COG6: variants seen among roughly 807,000 people sequenced by gnomAD.
COG6 encodes component of oligomeric golgi complex 6.
COG6 carries 74 observed loss-of-function variants against 88.8 expected under a neutral mutation model. The observed-to-expected ratio is 0.83, with a 90% CI of 0.69 to 1.01. The LOEUF (loss-of-function observed/expected upper bound fraction) is 1.01. Among genes scored for constraint, COG6 ranks in the 50% least tolerant of loss-of-function variants. The pLI is 0.00. For synonymous variants in COG6, 286 were observed against 278.7 expected (o/e 1.03, Z -0.26); for missense variants, 800 against 797.9 (o/e 1.00, Z -0.03).
intron 18 of COG6, among the ~76,000 whole-genome samples, chr13:39,780,479 C>A (rs1386040845): frequency 6.6e-6 from 1 of 152,052 alleles, no homozygotes; most frequent in Non-Finnish European, 1.5e-5. Context: ...TTTATTAATA[C>A]AAGAAGTAAA....
intron 18 of COG6, among the ~76,000 whole-genome samples, chr13:39,782,733 C>CT (rs1881667306): frequency 6.6e-6 from 1 of 152,192 alleles, no homozygotes; most frequent in African/African-American, 2.4e-5. Flanking sequence ...ACAACAGGGG[C>CT]TAGCAATGGC....
intron 18 of COG6, among the ~76,000 whole-genome samples, chr13:39,747,053 G>C (rs375789452): frequency 6.6e-6 from 1 of 152,058 alleles, no homozygotes; most frequent in South Asian, 2.1e-4. Flanking sequence ...TTCAATATTT[G>C]GTTTATAGTG....
chr13:39,768,747 T>C (rs1881237119), intron 18 of COG6, among the ~76,000 whole-genome samples: 1 of 151,784 alleles, frequency 6.6e-6, no homozygotes, highest in Non-Finnish European at 1.5e-5. Flanking sequence ...CTATTATATA[T>C]CATAATATAT....
intron 13 of COG6, among the ~76,000 whole-genome samples, chr13:39,718,767 C>CT (rs1372975023): frequency 6.6e-6 from 1 of 152,032 alleles, no homozygotes; most frequent in Non-Finnish European, 1.5e-5. Context: ...TCCTGGGGTG[C>CT]TTGTTGAACT....
intron 18 of COG6, among the ~76,000 whole-genome samples, chr13:39,767,968 C>G (rs1187677885): frequency 1.3e-5 from 2 of 152,194 alleles, no homozygotes; most frequent in Non-Finnish European, 2.9e-5. Flanking sequence ...TCTGAGCTGT[C>G]ATTGCACAAG....
At chr13:39,779,253 G>GT (rs34270626) in intron 18 of COG6, among the ~76,000 whole-genome samples, 95,095 of 152,006 alleles carry the variant, frequency 0.63, 30,421 homozygotes, top group East Asian at 0.77. Context: ...CTTTCAGTAA[G>GT]ATTAGCAATG....
At chr13:39,667,311 T>C (rs1431665658) in intron 4 of COG6, among the ~76,000 whole-genome samples, 1 of 152,200 alleles carries the variant, frequency 6.6e-6, no homozygotes, top group Non-Finnish European at 1.5e-5. Context: ...CCCTTTTTGT[T>C]TACTAACTAC....
At chr13:39,734,757 T>A (rs1257795787) in intron 18 of COG6, among the ~76,000 whole-genome samples, 1 of 152,222 alleles carries the variant, frequency 6.6e-6, no homozygotes, top group African/African-American at 2.4e-5. Flanking sequence ...CTAATAATGC[T>A]TGCTTTGTAT....
Position 39,687,729 on chromosome 13 carries a change from T to C in COG6, c.939T>C (p.Ala313=), listed in dbSNP as rs550755756. 2.0e-5 allele frequency: 32 copies of C among 1,614,120 alleles called. No homozygotes were observed. The East Asian group carries it at 6.7e-4, about 34-fold the overall frequency. The change falls in exon 10 of 19, where the codon GCT becomes GCC. Residue 313 remains alanine (A), a synonymous_variant. Coordinates refer to ENST00000455146, the MANE Select transcript of COG6 (RefSeq NM_020751.3). ...TTAGGTATGTAGGAGATATGTTGGC[T>C]TGGCTCCATCAAGCTACTGCTTCTG... ...DPLRYVGDML[A]WLHQATASEK... is the part of the protein sequence containing the mutation.
intron 5 of COG6, among the ~76,000 whole-genome samples, chr13:39,678,695 G>A (rs1329505558): frequency 6.6e-6 from 1 of 152,076 alleles, no homozygotes; most frequent in Non-Finnish European, 1.5e-5. Context: ...AAGGGTTCTT[G>A]AGGTGGGGAA....
downstream of COG6, among the ~76,000 whole-genome samples, chr13:39,756,978 A>G (rs1880856864): frequency 6.6e-6 from 1 of 152,204 alleles, no homozygotes; most frequent in Non-Finnish European, 1.5e-5. Flanking sequence ...GCTATTCTAA[A>G]TCACCTAGAT....
chr13:39,656,319 G>A (rs1213468755), intron 1 of COG6: 1 of 383,624 alleles, frequency 2.6e-6, no homozygotes, highest in Non-Finnish European at 5.1e-6. Flanking sequence ...CAGTGGTAGG[G>A]ATAAGGGTGC....
chr13:39,758,990 A>G (rs531643303), intron 18 of COG6, among the ~76,000 whole-genome samples: 66 of 152,306 alleles, frequency 4.3e-4, no homozygotes, highest in African/African-American at 1.6e-3. Flanking sequence ...ATATAATTTG[A>G]TTCTATTTTA....
At chr13:39,745,103 A>T (rs534083975) in intron 18 of COG6, among the ~76,000 whole-genome samples, 152 of 152,354 alleles carry the variant, frequency 1.0e-3, no homozygotes, top group African/African-American at 3.2e-3. Flanking sequence ...AGATGGATTA[A>T]AGACTTAAAC....
intron 18 of COG6, among the ~76,000 whole-genome samples, chr13:39,734,121 A>G (rs1879606169): frequency 6.6e-6 from 1 of 151,676 alleles, no homozygotes; most frequent in South Asian, 2.1e-4. Flanking sequence ...TTCTGCTCTG[A>G]TCTTTATTTT....
chr13:39,684,252 T>TTTTTTTTTTC (rs1876498048), intron 8 of COG6, among the ~76,000 whole-genome samples: 1 of 89,636 alleles, frequency 1.1e-5, no homozygotes, highest in African/African-American at 3.9e-5. Flanking sequence ...GATTTTTTTT[T>TTTTTTTTTTC]TTTTTTTTTT....
intron 18 of COG6, among the ~76,000 whole-genome samples, chr13:39,783,807 C>A (rs1400855413): frequency 2.0e-5 from 3 of 152,178 alleles, no homozygotes; most frequent in Non-Finnish European, 4.4e-5. Flanking sequence ...AAGTGGCCAT[C>A]CAAATACAAC....
At chr13:39,692,316 T>C (rs913937404) in intron 11 of COG6, among the ~76,000 whole-genome samples, 1 of 152,006 alleles carries the variant, frequency 6.6e-6, no homozygotes. Flanking sequence ...AAAATCCTTC[T>C]TTTATGTGAA....
intron 13 of COG6, among the ~76,000 whole-genome samples, chr13:39,711,939 A>G (rs1414228113): frequency 6.6e-6 from 1 of 152,128 alleles, no homozygotes; most frequent in African/African-American, 2.4e-5. Flanking sequence ...ACCTCACTAC[A>G]ACCTCCACCT....
Sources: allele counts gnomAD v4.1 joint callset (sites outside exome capture counted in the v4.1 genomes callset), GRCh38; gene constraint gnomAD v4.1.1; transcripts MANE v1.5; gene names NCBI Gene and HGNC (gene_info 2026-07-23, HGNC 2026-07-21).